The following ARMH3 variants were observed in gnomAD, a reference collection of about 807,000 sequenced individuals.
ARMH3 encodes the protein armadillo-like helical domain-containing protein 3.
Under a neutral mutation model 99.1 loss-of-function variants are expected in ARMH3, and 60 were observed. The ratio of observed to expected loss-of-function variants is 0.61; its 90% CI spans 0.49 to 0.75. ARMH3 has a LOEUF of 0.75. Ranked by LOEUF, ARMH3 falls within the 30% of genes least tolerant of loss-of-function variation. The pLI is 0.00. For missense variants in ARMH3, 679 were observed against 843.1 expected, an observed-to-expected ratio of 0.81 and a Z score of 2.41; for synonymous variants, 285 against 292.8, an observed-to-expected ratio of 0.97 and a Z score of 0.27.
At chr10:101,944,149 G>T (rs1844369225) in intron 22 of ARMH3, among the ~76,000 whole-genome samples, 1 of 145,804 alleles carries the variant, frequency 6.9e-6, no homozygotes, top group Non-Finnish European at 1.5e-5. Context: ...GAAAGAAATG[G>T]AAATATTAAA....
chr10:102,005,716 C>A (rs370627189), intron 14 of ARMH3, among the ~76,000 whole-genome samples: 2 of 152,196 alleles, frequency 1.3e-5, no homozygotes, highest in East Asian at 3.8e-4. Context: ...TTCCACCAAA[C>A]ACACTCAGCC....
At chr10:101,902,334 T>A (rs937369952) in intron 23 of ARMH3, among the ~76,000 whole-genome samples, 2 of 152,100 alleles carry the variant, frequency 1.3e-5, no homozygotes, top group African/African-American at 4.8e-5. Context: ...CCAAAGACCA[T>A]ATGTCTATTA....
chr10:101,901,910 T>C (rs905221584), intron 23 of ARMH3, among the ~76,000 whole-genome samples: 1 of 152,176 alleles, frequency 6.6e-6, no homozygotes, highest in African/African-American at 2.4e-5. Flanking sequence ...TAAAACTTCA[T>C]TGCAAAATAG....
At chr10:102,049,654 T>C (rs2067647866) in intron 1 of ARMH3, among the ~76,000 whole-genome samples, 1 of 149,650 alleles carries the variant, frequency 6.7e-6, no homozygotes, top group Non-Finnish European at 1.5e-5. Context: ...CACTGCAGCC[T>C]CAGGGATCCT....
At chr10:101,943,442 T>C (rs1355440043) in intron 22 of ARMH3, among the ~76,000 whole-genome samples, 1 of 152,054 alleles carries the variant, frequency 6.6e-6, no homozygotes, top group Non-Finnish European at 1.5e-5. Context: ...TGGGACAAAT[T>C]AGCCTACATT....
At chr10:101,900,889 C>T (rs1286990830) in intron 23 of ARMH3, among the ~76,000 whole-genome samples, 1 of 151,978 alleles carries the variant, frequency 6.6e-6, no homozygotes, top group Non-Finnish European at 1.5e-5. Context: ...GAGGATGAGG[C>T]ATGAGAATTG....
rs532641928 is a variant in ARMH3 at position 101,888,247 on chromosome 10, C to T, written c.1860+1165G>A. Among the ~76,000 whole-genome samples the T allele has an allele frequency of 1.1e-4, 16 of 152,168 alleles. No individual in the cohort carries two copies. The East Asian group carries it at 2.9e-3, about 28-fold the overall frequency. On this transcript the variant is annotated intron_variant, in intron 24 of 25. Transcript: ENST00000370033. ...GTAGCATCACAAAGCACCTCACAGA[C>T]AGCACAGCATCAAAGAACAGGATTC...
At chr10:101,984,784 C>A (rs1047357674) in intron 19 of ARMH3, among the ~76,000 whole-genome samples, 1 of 151,844 alleles carries the variant, frequency 6.6e-6, no homozygotes, top group African/African-American at 2.4e-5. Context: ...TATATATATA[C>A]TGGAGGCCAG....
intron 23 of ARMH3, among the ~76,000 whole-genome samples, chr10:101,923,790 G>C (rs1275307133): frequency 1.3e-5 from 2 of 152,212 alleles, no homozygotes; most frequent in Non-Finnish European, 2.9e-5. Context: ...GCTACAGGAA[G>C]ATTTAAACCA....
chr10:101,939,661 G>A (rs542428927), intron 23 of ARMH3, among the ~76,000 whole-genome samples: 5 of 152,294 alleles, frequency 3.3e-5, no homozygotes, highest in African/African-American at 9.6e-5. Flanking sequence ...AGAACAGCCA[G>A]CACTTTGAGC....
At chr10:101,854,214 C>T (rs765355507) in intron 24 of ARMH3, among the ~76,000 whole-genome samples, 1 of 152,176 alleles carries the variant, frequency 6.6e-6, no homozygotes, top group Non-Finnish European at 1.5e-5. Flanking sequence ...AGACAATTCA[C>T]CTAGCCTCTG....
intron 23 of ARMH3, among the ~76,000 whole-genome samples, chr10:101,920,609 C>A (rs1843268861): frequency 6.6e-6 from 1 of 152,016 alleles, no homozygotes; most frequent in African/African-American, 2.4e-5. Context: ...GAAATATGAA[C>A]AATAAATAAA....
chr10:101,960,391 A>G (rs1845235467), intron 20 of ARMH3, among the ~76,000 whole-genome samples: 1 of 152,168 alleles, frequency 6.6e-6, no homozygotes, highest in South Asian at 2.1e-4. Context: ...CTCTGACCTG[A>G]TATGATGGGA....
At chr10:101,849,988 G>C in intron 24 of ARMH3, 96 bp from the exon 25 acceptor site, 1 of 1,015,464 alleles carries the variant, frequency 9.8e-7, no homozygotes, top group Non-Finnish European at 1.5e-6. Flanking sequence ...TTTGGTCTGT[G>C]ACAACACCCC....
intron 23 of ARMH3, among the ~76,000 whole-genome samples, chr10:101,903,708 ACAAATAGT>A (rs1003075405): frequency 2.6e-5 from 4 of 152,258 alleles, no homozygotes; most frequent in Admixed American, 2.6e-4. Flanking sequence ...CATGCCTTCA[ACAAATAGT>A]CAAATTTTTC....
At position 102,033,277 on chromosome 10, in the gene ARMH3, T is replaced by A; in HGVS notation, c.159+6A>T. 1.2e-6 allele frequency: 2 copies of A among 1,614,118 alleles called. No homozygotes were observed. Among genetic ancestry groups the A allele is most frequent in the Non-Finnish European group, 1.7e-6 (2 of 1,180,024 alleles). On this transcript the variant is annotated splice_donor_region_variant and intron_variant, in intron 3 of 25. Coordinates refer to ENST00000370033, the MANE Select transcript of ARMH3 (RefSeq NM_024541.3). ...AGGAAATTCCACAGATGCCACCAAC[T>A]CTTACCTTCATGAGAAAGAGCTCCT... is the stretch of plus-strand genomic sequence containing the variant.
At chr10:101,928,045 G>A (rs1002502401) in intron 23 of ARMH3, among the ~76,000 whole-genome samples, 6 of 152,326 alleles carry the variant, frequency 3.9e-5, no homozygotes, top group African/African-American at 1.2e-4. Flanking sequence ...CTGCACTCCC[G>A]CCTGGGCAGA....
At chr10:101,974,875 T>G (rs1327953757) in intron 20 of ARMH3, among the ~76,000 whole-genome samples, 1 of 151,798 alleles carries the variant, frequency 6.6e-6, no homozygotes, top group African/African-American at 2.4e-5. Context: ...GAACCCAAGT[T>G]TGTACCGACT....
At chr10:102,009,935 C>A (rs1292536085) in intron 12 of ARMH3, 42 bp downstream of exon 12, 6 of 1,583,154 alleles carry the variant, frequency 3.8e-6, no homozygotes, top group Non-Finnish European at 4.3e-6. Context: ...GGACAGCCCA[C>A]ACTAAAGTCC....
Sources: allele counts gnomAD v4.1 joint callset (sites outside exome capture counted in the v4.1 genomes callset), GRCh38; gene constraint gnomAD v4.1.1; transcripts MANE v1.5; gene names NCBI Gene and HGNC (gene_info 2026-07-23, HGNC 2026-07-21).